Variants in FAF1 observed in about 807,000 individuals in gnomAD.
FAF1 encodes FAS-associated factor 1.
FAF1 carries 25 observed loss-of-function variants against 92.5 expected under a neutral mutation model. The observed-to-expected ratio is 0.27, with a 90% CI of 0.20 to 0.38. The LOEUF (loss-of-function observed/expected upper bound fraction) is 0.38, where lower values mean the gene tolerates loss of function less well. Ranked by LOEUF, FAF1 falls within the 10% of genes least tolerant of loss-of-function variation. The probability of loss-of-function intolerance (pLI) is 1.00; values close to 1 mark genes in which losing one functional copy is unlikely to be tolerated. For synonymous variants in FAF1, 234 were observed against 273.2 expected (o/e 0.86, Z 1.42); for missense variants, 636 against 793.3 (o/e 0.80, Z 2.38).
At chr1:50,663,131 C>T (rs576481357) in intron 7 of FAF1, among the ~76,000 whole-genome samples, 1 of 151,684 alleles carries the variant, frequency 6.6e-6, no homozygotes, top group East Asian at 1.9e-4. Context: ...ATTTTAGAAG[C>T]TTTCTGAAAA....
intron 13 of FAF1, among the ~76,000 whole-genome samples, chr1:50,541,678 C>A (rs1189739323): frequency 6.6e-6 from 1 of 151,578 alleles, no homozygotes; most frequent in Non-Finnish European, 1.5e-5. Context: ...ATTATCTGCC[C>A]ATAAGTGCTA....
At chr1:50,685,433 T>C (rs1384507282) in intron 7 of FAF1, among the ~76,000 whole-genome samples, 2 of 152,254 alleles carry the variant, frequency 1.3e-5, no homozygotes, top group Admixed American at 6.5e-5. Context: ...GTATATAGTA[T>C]AGTATAGTTA....
chr1:50,946,510 A>G (rs942639428), intron 1 of FAF1, among the ~76,000 whole-genome samples: 4 of 152,176 alleles, frequency 2.6e-5, no homozygotes, highest in African/African-American at 7.2e-5. Flanking sequence ...CTGTTAACCA[A>G]CCTATGAAGA....
At position 50,780,911 on chromosome 1, in the gene FAF1, C is replaced by T. The variant is rs145213135; in HGVS notation, c.367+7089G>A. On this transcript the variant is annotated intron_variant, in intron 4 of 18. Coordinates refer to ENST00000396153, the MANE Select transcript of FAF1 (RefSeq NM_007051.3). ...GCCAAACACATGGCTCAGCAGGAAG[C>T]AGACAGGGCCAGAATTGTGGTGGAA... The T allele has an allele frequency of 7.1e-4, 346 of 488,356 alleles. 3 individuals carry two copies. The East Asian group carries it at 0.015, about 20-fold the overall frequency. The allele number at this position is 488,356 out of a possible 1,614,324, so 30.3% of individuals were successfully genotyped here.
At chr1:50,620,665 T>C (rs10888700) in intron 8 of FAF1, among the ~76,000 whole-genome samples, 73,561 of 152,120 alleles carry the variant, frequency 0.48, 19,681 homozygotes, top group African/African-American at 0.7. Flanking sequence ...TGATTCTTTA[T>C]GTGTGGGTGA....
intron 1 of FAF1, among the ~76,000 whole-genome samples, chr1:50,953,157 T>TGCAA (rs1206810455): frequency 6.6e-6 from 1 of 152,128 alleles, no homozygotes; most frequent in African/African-American, 2.4e-5. Context: ...TTAAGGGCGG[T>TGCAA]GCAAGATGTG....
At chr1:50,892,076 C>G (rs865942527) in intron 1 of FAF1, among the ~76,000 whole-genome samples, 49 of 152,336 alleles carry the variant, frequency 3.2e-4, no homozygotes, top group African/African-American at 1.1e-3. Context: ...CCTCCCCCAG[C>G]CTTGCTGCCA....
At chr1:50,753,041 A>T (rs1324090686) in intron 4 of FAF1, among the ~76,000 whole-genome samples, 1 of 152,208 alleles carries the variant, frequency 6.6e-6, no homozygotes, top group Non-Finnish European at 1.5e-5. Context: ...CGTAAAATAA[A>T]CTGCACATAT....
intron 1 of FAF1, among the ~76,000 whole-genome samples, chr1:50,884,939 G>T (rs1007568877): frequency 6.6e-6 from 1 of 152,050 alleles, no homozygotes; most frequent in South Asian, 2.1e-4. Flanking sequence ...TTACACCTTC[G>T]ATCATGTTGC....
chr1:50,924,195 G>C (rs1044763299), intron 1 of FAF1, among the ~76,000 whole-genome samples: 1 of 150,386 alleles, frequency 6.6e-6, no homozygotes, highest in Non-Finnish European at 1.5e-5. Context: ...ACTCAGAACT[G>C]ATAATGATAA....
rs189990905 is a variant in FAF1 at position 50,806,693 on chromosome 1, G to A, written c.115-5016C>T. Among the ~76,000 whole-genome samples, 11 of 152,330 alleles carry A rather than the reference G, an allele frequency of 7.2e-5. No homozygotes were observed. In the East Asian group the frequency reaches 1.2e-3, roughly 16 times the overall value. On this transcript the variant is annotated intron_variant, in intron 2 of 18. Coordinates refer to ENST00000396153, the MANE Select transcript of FAF1 (RefSeq NM_007051.3). ...GTACAGCATGTTCCTAACCTCAAGAGTCCAGACAAGAATGCCGGGGGCCTG... is the reference window on the plus strand; with the variant it reads ...GTACAGCATGTTCCTAACCTCAAGAATCCAGACAAGAATGCCGGGGGCCTG...
intron 1 of FAF1, among the ~76,000 whole-genome samples, chr1:50,893,504 G>T (rs1223055368): frequency 6.6e-6 from 1 of 152,098 alleles, no homozygotes; most frequent in African/African-American, 2.4e-5. Context: ...AGAAACTATT[G>T]TTATCTTCCC....
intron 1 of FAF1, among the ~76,000 whole-genome samples, chr1:50,888,484 C>T (rs1320063116): frequency 2.6e-5 from 4 of 152,124 alleles, no homozygotes; most frequent in African/African-American, 7.2e-5. Flanking sequence ...CCAGTTTTTG[C>T]CCATTCAGTA....
chr1:50,896,154 G>A (rs919880372), intron 1 of FAF1, among the ~76,000 whole-genome samples: 1 of 152,170 alleles, frequency 6.6e-6, no homozygotes, highest in Non-Finnish European at 1.5e-5. Flanking sequence ...GCATGGTGGT[G>A]CATGCCTGCA....
At chr1:50,610,421 A>C (rs1378657300) in intron 8 of FAF1, among the ~76,000 whole-genome samples, 1 of 152,250 alleles carries the variant, frequency 6.6e-6, no homozygotes, top group Non-Finnish European at 1.5e-5. Context: ...AAAACTACTT[A>C]AATATCAAAA....
At chr1:50,954,946 G>A (rs1468348468) in intron 1 of FAF1, among the ~76,000 whole-genome samples, 3 of 152,126 alleles carry the variant, frequency 2.0e-5, no homozygotes, top group Admixed American at 6.5e-5. Flanking sequence ...AAGTTCAAAG[G>A]GGCAGTGATC....
At chr1:50,828,759 C>G (rs1171398074) in intron 2 of FAF1, among the ~76,000 whole-genome samples, 1 of 152,090 alleles carries the variant, frequency 6.6e-6, no homozygotes, top group Admixed American at 6.5e-5. Context: ...GGACAGGTTT[C>G]TTTGAAAACA....
intron 1 of FAF1, among the ~76,000 whole-genome samples, chr1:50,948,518 TTTTTC>T (rs1645188808): frequency 6.6e-6 from 1 of 151,754 alleles, no homozygotes; most frequent in South Asian, 2.1e-4. Context: ...CTCTTATTTC[TTTTTC>T]TTTTCTTTTT....
chr1:50,688,091 C>T (rs1249044650), intron 7 of FAF1, among the ~76,000 whole-genome samples: 1 of 151,518 alleles, frequency 6.6e-6, no homozygotes, highest in Non-Finnish European at 1.5e-5. Flanking sequence ...GCCGAGATCG[C>T]ACCCACTGCA....
Sources: gnomAD v4.1 joint callset for allele counts (sites outside exome capture counted in the v4.1 genomes callset) on GRCh38, gnomAD v4.1.1 for gene constraint, MANE v1.5 for transcripts, NCBI Gene and HGNC (gene_info 2026-07-23, HGNC 2026-07-21) for gene names.